The following TLN2 variants were observed in gnomAD, a reference collection of about 807,000 sequenced individuals.
TLN2 encodes talin 2, also known as talin-2.
In TLN2, 118 loss-of-function variants were observed where a neutral mutation model predicts 294.7. The ratio of observed to expected loss-of-function variants is 0.40; its 90% CI spans 0.34 to 0.47. The LOEUF is 0.47. Among genes scored for constraint, TLN2 ranks in the 20% least tolerant of loss-of-function variants. The pLI is 0.84. For synonymous variants in TLN2, 1,431 were observed against 1,304.5 expected (o/e 1.10, Z -2.09); for missense variants, 3,083 against 3,282.2 (o/e 0.94, Z 1.48).
chr15:62,424,950 G>A (rs1360532800), intron 1 of TLN2, among the ~76,000 whole-genome samples: 2 of 127,724 alleles, frequency 1.6e-5, no homozygotes, highest in African/African-American at 6.0e-5. Flanking sequence ...ACCGTGCCTG[G>A]CCTTTTTTTT....
At chr15:62,555,478 A>G (rs1027457785) in intron 1 of TLN2, among the ~76,000 whole-genome samples, 1 of 152,232 alleles carries the variant, frequency 6.6e-6, no homozygotes, top group Admixed American at 6.5e-5. Context: ...TTTGTAAATA[A>G]TGTCACTTTC....
At chr15:62,540,456 T>G (rs533032680) in intron 1 of TLN2, among the ~76,000 whole-genome samples, 1 of 151,100 alleles carries the variant, frequency 6.6e-6, no homozygotes, top group Admixed American at 6.6e-5. Flanking sequence ...AAATGAGGTA[T>G]GCAGGTAGAG....
chr15:62,650,890 A>G (rs1035010677), intron 5 of TLN2, among the ~76,000 whole-genome samples: 16 of 152,144 alleles, frequency 1.1e-4, no homozygotes, highest in Admixed American at 8.5e-4. Context: ...TTACTTAAAA[A>G]TATCCCCCAA....
intron 26 of TLN2, among the ~76,000 whole-genome samples, chr15:62,723,793 TC>T (rs1287542941): frequency 6.7e-6 from 1 of 150,210 alleles, no homozygotes; most frequent in African/African-American, 2.4e-5. Flanking sequence ...CAAGTAATCC[TC>T]CCACTTGAGC....
At chr15:62,531,901 C>T (rs909747575) in intron 1 of TLN2, among the ~76,000 whole-genome samples, 2 of 152,128 alleles carry the variant, frequency 1.3e-5, no homozygotes, top group African/African-American at 4.8e-5. Context: ...GGGTGAGCCT[C>T]CTGAAGCCGT....
chr15:62,474,333 T>A (rs2037665761), intron 1 of TLN2, among the ~76,000 whole-genome samples: 1 of 152,032 alleles, frequency 6.6e-6, no homozygotes, highest in Non-Finnish European at 1.5e-5. Context: ...CACCCCTTTT[T>A]CACTCAGTAA....
chr15:62,418,946 A>G (rs1175674384), intron 1 of TLN2, among the ~76,000 whole-genome samples: 1 of 152,230 alleles, frequency 6.6e-6, no homozygotes, highest in Non-Finnish European at 1.5e-5. Flanking sequence ...CACTGGGGAT[A>G]TGATGGCTTA....
chr15:62,663,832 G>C (rs924820256), intron 9 of TLN2, among the ~76,000 whole-genome samples: 1 of 151,902 alleles, frequency 6.6e-6, no homozygotes, highest in African/African-American at 2.4e-5. Flanking sequence ...ACTTGTATCA[G>C]GTAAAGTACT....
chr15:62,663,847 C>G lies in TLN2; in HGVS notation c.788+5949C>G, dbSNP rs114833706. Among the ~76,000 whole-genome samples the G allele has an allele frequency of 9.7e-3, 1,478 of 152,012 alleles. 49 individuals are homozygous for G. Among genetic ancestry groups the G allele is most frequent in the African/African-American group, 0.034 (1,389 of 41,370 alleles). ...ACTTGTATCAGGTAAAGTACTTCTACCCAAACTTACAGATTCAGTTCAATT... is the reference window on the plus strand; with the variant it reads ...ACTTGTATCAGGTAAAGTACTTCTAGCCAAACTTACAGATTCAGTTCAATT... On this transcript the variant is annotated intron_variant, in intron 9 of 58. Coordinates refer to ENST00000636159, the MANE Select transcript of TLN2 (RefSeq NM_015059.3).
At chr15:62,430,567 G>T (rs1046567328) in intron 1 of TLN2, among the ~76,000 whole-genome samples, 1 of 152,198 alleles carries the variant, frequency 6.6e-6, no homozygotes, top group Non-Finnish European at 1.5e-5. Flanking sequence ...CATTTTTGGG[G>T]ATGGTGACTT....
At chr15:62,470,376 A>C (rs1245005369) in intron 1 of TLN2, among the ~76,000 whole-genome samples, 1 of 152,244 alleles carries the variant, frequency 6.6e-6, no homozygotes, top group African/African-American at 2.4e-5. Flanking sequence ...ATGCTCAGGC[A>C]TTAGTCACTA....
chr15:62,553,425 C>T (rs1373930295), intron 1 of TLN2, among the ~76,000 whole-genome samples: 3 of 151,682 alleles, frequency 2.0e-5, no homozygotes, highest in Non-Finnish European at 2.9e-5. Flanking sequence ...GCGGAGGTTG[C>T]GGCGAGCCGA....
intron 22 of TLN2, among the ~76,000 whole-genome samples, chr15:62,715,469 G>C (rs953909687): frequency 1.3e-5 from 2 of 152,338 alleles, no homozygotes; most frequent in Middle Eastern, 3.4e-3. Context: ...AGGAAGGCTG[G>C]ATGTGCTGTG....
intron 1 of TLN2, among the ~76,000 whole-genome samples, chr15:62,507,943 T>C (rs2039712865): frequency 6.6e-6 from 1 of 152,214 alleles, no homozygotes; most frequent in African/African-American, 2.4e-5. Flanking sequence ...TGCATACTTT[T>C]TGGTATATAG....
At chr15:62,791,209 G>A (rs944735739) in intron 45 of TLN2, among the ~76,000 whole-genome samples, 6 of 151,722 alleles carry the variant, frequency 4.0e-5, no homozygotes, top group Non-Finnish European at 7.4e-5. Flanking sequence ...ACAAAAATTA[G>A]CTGGGTGTTG....
Position 62,842,089 on chromosome 15 carries a change from A to C in TLN2, c.*1479A>C, listed in dbSNP as rs181786830. Reference sequence around the variant, plus strand: ...GGTCCTCCGAAGATGTCACCTTTCGACCTTGCCCGATCTTGTTTCACCAGA... The same window carrying C: ...GGTCCTCCGAAGATGTCACCTTTCGCCCTTGCCCGATCTTGTTTCACCAGA... On this transcript the variant is annotated 3_prime_UTR_variant, in exon 59 of 59. Coordinates refer to ENST00000636159, the MANE Select transcript of TLN2 (RefSeq NM_015059.3). The C allele has an allele frequency of 9.7e-4, 148 of 152,162 alleles. No homozygotes were observed. The highest frequency in any genetic ancestry group is 3.3e-3 in the African/African-American group (137 of 41,500). The allele number at this position is 152,162 out of a possible 1,614,324, so 9.4% of individuals were successfully genotyped here. A position where few individuals can be genotyped will look rare whatever the true frequency, so the allele number is the denominator to read the frequency against.
At chr15:62,539,425 A>G (rs947249073) in intron 1 of TLN2, among the ~76,000 whole-genome samples, 4 of 152,132 alleles carry the variant, frequency 2.6e-5, no homozygotes, top group African/African-American at 9.7e-5. Context: ...CCAGAAAAGG[A>G]CAGCATATAT....
intron 1 of TLN2, among the ~76,000 whole-genome samples, chr15:62,444,266 C>T (rs2035702085): frequency 6.6e-6 from 1 of 152,208 alleles, no homozygotes; most frequent in Non-Finnish European, 1.5e-5. Flanking sequence ...CCTTGGTCTT[C>T]AATGATGTGA....
chr15:62,625,191 C>T (rs191437976), intron 3 of TLN2, among the ~76,000 whole-genome samples: 96 of 152,202 alleles, frequency 6.3e-4, no homozygotes, highest in Non-Finnish European at 1.1e-3. Context: ...TTCTTCACTA[C>T]TGAATGTGCA....
Sources: gnomAD v4.1 joint callset for allele counts (sites outside exome capture counted in the v4.1 genomes callset) on GRCh38, gnomAD v4.1.1 for gene constraint, MANE v1.5 for transcripts, NCBI Gene and HGNC (gene_info 2026-07-23, HGNC 2026-07-21) for gene names.